Variants in NCKAP5 observed in about 807,000 individuals in gnomAD.
NCKAP5 encodes the protein nck-associated protein 5.
Under a neutral mutation model 167.0 loss-of-function variants are expected in NCKAP5, and 92 were observed. The ratio of observed to expected loss-of-function variants is 0.55; its 90% confidence interval spans 0.47 to 0.66. The LOEUF (loss-of-function observed/expected upper bound fraction) is 0.66. NCKAP5 is among the 30% of genes least tolerant of loss of function. NCKAP5 has a pLI of 0.00. For missense variants in NCKAP5, 2,378 were observed against 2,315.0 expected, an observed-to-expected ratio of 1.03 and a Z score of -0.56; for synonymous variants, 891 against 877.4, an observed-to-expected ratio of 1.02 and a Z score of -0.27.
At chr2:133,308,520 A>T (rs1285838066) in intron 3 of NCKAP5, among the ~76,000 whole-genome samples, 2 of 152,106 alleles carry the variant, frequency 1.3e-5, no homozygotes, top group Non-Finnish European at 2.9e-5. Flanking sequence ...CTTTTGATGT[A>T]GAAACTCCCT....
intron 16 of NCKAP5, among the ~76,000 whole-genome samples, chr2:132,770,459 A>C (rs1050036912): frequency 6.7e-6 from 1 of 148,370 alleles, no homozygotes; most frequent in Non-Finnish European, 1.5e-5. Context: ...TACTATATAT[A>C]ATATTATAAC....
At chr2:133,613,892 T>C in the NCKAP5 span, among the ~76,000 whole-genome samples, 2 of 152,202 alleles carry the variant, frequency 1.3e-5, no homozygotes, top group Admixed American at 6.5e-5. Context: ...GTACTCCTTT[T>C]CCTTGTGTTG....
intron 3 of NCKAP5, among the ~76,000 whole-genome samples, chr2:133,427,495 GA>G (rs1370305889): frequency 6.6e-6 from 1 of 152,044 alleles, no homozygotes; most frequent in Non-Finnish European, 1.5e-5. Context: ...ATTTGTCCCA[GA>G]AAAGAGCAAA....
intron 3 of NCKAP5, among the ~76,000 whole-genome samples, chr2:133,511,117 C>T (rs1000032663): frequency 1.3e-5 from 2 of 152,212 alleles, no homozygotes; most frequent in African/African-American, 4.8e-5. Context: ...CTGCCATCCT[C>T]ATTGCTGACA....
chr2:133,538,786 G>C (rs1426969696), intron 2 of NCKAP5, among the ~76,000 whole-genome samples: 1 of 152,022 alleles, frequency 6.6e-6, no homozygotes, highest in Non-Finnish European at 1.5e-5. Flanking sequence ...TTACTGCCTG[G>C]GGTCACAGCT....
intron 6 of NCKAP5, among the ~76,000 whole-genome samples, chr2:133,069,341 A>T (rs1427268935): frequency 6.6e-6 from 1 of 152,150 alleles, no homozygotes; most frequent in Non-Finnish European, 1.5e-5. Context: ...CCTTCTTTGA[A>T]GTATCTTGAA....
intron 5 of NCKAP5, among the ~76,000 whole-genome samples, chr2:133,151,461 C>T (rs921167339): frequency 4.6e-5 from 7 of 151,972 alleles, no homozygotes; most frequent in Non-Finnish European, 8.8e-5. Flanking sequence ...ATAAAAAAAA[C>T]CGCGTTAAGA....
intron 3 of NCKAP5, among the ~76,000 whole-genome samples, chr2:133,462,418 G>A (rs1282714946): frequency 1.3e-5 from 2 of 152,150 alleles, no homozygotes; most frequent in African/African-American, 4.8e-5. Context: ...CAAGGCATTT[G>A]AAATTATGGG....
At chr2:133,108,972 A>G (rs1324914447) in intron 6 of NCKAP5, among the ~76,000 whole-genome samples, 1 of 152,122 alleles carries the variant, frequency 6.6e-6, no homozygotes, top group Non-Finnish European at 1.5e-5. Flanking sequence ...TATCACAGTT[A>G]TTGTGAATAA....
chr2:133,505,149 C>A (rs1333561791), intron 3 of NCKAP5, among the ~76,000 whole-genome samples: 1 of 152,116 alleles, frequency 6.6e-6, no homozygotes, highest in African/African-American at 2.4e-5. Flanking sequence ...TATAAATAGA[C>A]ACTGGCTGGG....
intron 3 of NCKAP5, among the ~76,000 whole-genome samples, chr2:133,456,253 A>C (rs1399821871): frequency 6.6e-6 from 1 of 152,180 alleles, no homozygotes; most frequent in Non-Finnish European, 1.5e-5. Flanking sequence ...AACATGTCCC[A>C]GGCCCCCATG....
intron 5 of NCKAP5, among the ~76,000 whole-genome samples, chr2:133,146,730 T>A (rs912855580): frequency 6.6e-6 from 1 of 152,076 alleles, no homozygotes; most frequent in Admixed American, 6.6e-5. Context: ...AACCCTATAT[T>A]CCATCAGTAG....
At chr2:132,868,892 T>G in intron 10 of NCKAP5, 44 bp downstream of exon 10, 2 of 1,463,086 alleles carry the variant, frequency 1.4e-6, no homozygotes, top group Non-Finnish European at 1.8e-6. Flanking sequence ...TCCAATATAG[T>G]CACAAAAGTG....
intron 5 of NCKAP5, among the ~76,000 whole-genome samples, chr2:133,171,492 G>C (rs992543171): frequency 6.6e-6 from 1 of 152,180 alleles, no homozygotes; most frequent in Non-Finnish European, 1.5e-5. Flanking sequence ...CAAGAGAGAG[G>C]TCTGGTTCCA....
the NCKAP5 span, among the ~76,000 whole-genome samples, chr2:133,599,969 G>T: frequency 2.6e-5 from 4 of 152,232 alleles, no homozygotes; most frequent in Non-Finnish European, 5.9e-5. Flanking sequence ...AATGCCAAAA[G>T]ATTTCTGAAG....
chr2:133,442,727 G>A (rs1298504769), intron 3 of NCKAP5, among the ~76,000 whole-genome samples: 2 of 152,212 alleles, frequency 1.3e-5, no homozygotes, highest in Non-Finnish European at 2.9e-5. Context: ...GAGGACTTGT[G>A]ACCTCCTGAG....
chr2:133,406,860 C>T (rs1688470013), intron 3 of NCKAP5, among the ~76,000 whole-genome samples: 1 of 152,234 alleles, frequency 6.6e-6, no homozygotes, highest in South Asian at 2.1e-4. Flanking sequence ...TCAAGCCCCA[C>T]CTTGCCCTTC....
intron 6 of NCKAP5, among the ~76,000 whole-genome samples, chr2:133,008,656 C>T (rs936952828): frequency 1.3e-5 from 2 of 152,120 alleles, no homozygotes; most frequent in African/African-American, 4.8e-5. Context: ...ACTTAAGACA[C>T]CTCAACAAGT....
intron 11 of NCKAP5, among the ~76,000 whole-genome samples, chr2:132,804,833 T>C (rs1685312018): frequency 6.6e-6 from 1 of 151,978 alleles, no homozygotes; most frequent in African/African-American, 2.4e-5. Context: ...ATGCTACATA[T>C]ATTTCAGGAA....
Sources: gnomAD v4.1 joint callset for allele counts (sites outside exome capture counted in the v4.1 genomes callset) on GRCh38, gnomAD v4.1.1 for gene constraint, MANE v1.5 for transcripts, NCBI Gene and HGNC (gene_info 2026-07-23, HGNC 2026-07-21) for gene names.